KLHDC2: variants seen among roughly 807,000 people sequenced by gnomAD.
The protein encoded by KLHDC2 is kelch domain-containing protein 2.
A neutral mutation model predicts 62.3 loss-of-function variants in KLHDC2; 38 were observed. The observed-to-expected ratio is 0.61, with a 90% CI of 0.47 to 0.80. KLHDC2 has a LOEUF of 0.80. KLHDC2 is among the 30% of genes least tolerant of loss of function. The probability of loss-of-function intolerance (pLI) is 0.00; values close to 1 mark genes in which losing one functional copy is unlikely to be tolerated. For missense variants in KLHDC2, 430 were observed against 495.3 expected (o/e 0.87, Z 1.25); for synonymous variants, 159 against 161.0 (o/e 0.99, Z 0.09).
chr14:49,785,258 A>G lies in KLHDC2; in HGVS notation c.*2305A>G. ...TGGTGGTGTAAGGGGCACATATTGG[A>G]ATGGCAAACAGTAGTACATCTTCAG... On this transcript the variant is annotated 3_prime_UTR_variant, in exon 13 of 13. Transcript: ENST00000298307. 1 of 1,614,032 alleles carries G rather than the reference A, an allele frequency of 6.2e-7. No homozygotes were observed. The highest frequency in any genetic ancestry group is 8.5e-7 in the Non-Finnish European group (1 of 1,179,928).
At position 49,784,821 on chromosome 14, in the gene KLHDC2, C is replaced by A; in HGVS notation, c.*1868C>A. 2 of 1,398,064 alleles carry A rather than the reference C, an allele frequency of 1.4e-6. No homozygotes were observed. Among genetic ancestry groups the A allele is most frequent in the Non-Finnish European group, 2.0e-6 (2 of 994,826 alleles). 86.6% of individuals were successfully genotyped at this position (1,398,064 alleles called of 1,614,324 possible). On this transcript the variant is annotated 3_prime_UTR_variant, in exon 13 of 13. Coordinates refer to ENST00000298307, the MANE Select transcript of KLHDC2 (RefSeq NM_014315.3). ...CAAACTTTTAGCTGAGATGGTTTTACTGCTTCTAATAAGACAGCATTTTCT... is the reference window on the plus strand; with the variant it reads ...CAAACTTTTAGCTGAGATGGTTTTAATGCTTCTAATAAGACAGCATTTTCT...
chr14:49,782,971 C>G lies in KLHDC2; in HGVS notation c.*18C>G. The G allele has an allele frequency of 6.2e-7, 1 of 1,607,194 alleles. No individual in the cohort carries two copies. Among genetic ancestry groups the G allele is most frequent in the Admixed American group, 1.7e-5 (1 of 58,798 alleles). On this transcript the variant is annotated 3_prime_UTR_variant, in exon 13 of 13. Coordinates refer to ENST00000298307, the MANE Select transcript of KLHDC2 (RefSeq NM_014315.3). ...GATCTTAAGGCTTCATAAATAATGC[C>G]TATGATCACCTTGCATGGACAGCAA...
chr14:49,782,178 T>C (rs1249056667), intron 10 of KLHDC2, 192 bp from the exon 11 acceptor site: 3 of 528,814 alleles, frequency 5.7e-6, no homozygotes, highest in African/African-American at 2.0e-5. Flanking sequence ...AGAGAGAAAA[T>C]AATATCCAGA....
chr14:49,774,579 A>G lies in KLHDC2; in HGVS notation c.252A>G (p.Glu84=), dbSNP rs548275723. Residue 84 remains glutamate (E), a synonymous_variant, in exon 3 of 13, where the codon GAA becomes GAG. Coordinates refer to ENST00000298307, the MANE Select transcript of KLHDC2 (RefSeq NM_014315.3). ...CCCTCAGGAAAAAAATCAACACTGA[A>G]GGTGATGTTCCTCCTTCTATGTCAG... ...ETGRWKKINT[E]GDVPPSMSGS... is the part of the protein sequence containing the mutation. 6.2e-7 allele frequency: 1 copy of G among 1,612,986 alleles called. No homozygotes were observed. Among genetic ancestry groups the G allele is most frequent in the Non-Finnish European group, 8.5e-7 (1 of 1,178,948 alleles).
intron 3 of KLHDC2, among the ~76,000 whole-genome samples, chr14:49,775,638 T>TC (rs1889756420): frequency 2.5e-5 from 1 of 39,402 alleles, no homozygotes; most frequent in Non-Finnish European, 5.6e-5. Flanking sequence ...TTTTTTTTTT[T>TC]CGGATGGGGA....
chr14:49,780,475 C>T (rs906368480), intron 9 of KLHDC2, 153 bp downstream of exon 9: 1 of 654,342 alleles, frequency 1.5e-6, no homozygotes, highest in African/African-American at 1.8e-5. Flanking sequence ...TGTAATTGTA[C>T]TATATGGCAT....
chr14:49,781,113 C>T (rs944698050), intron 10 of KLHDC2, among the ~76,000 whole-genome samples: 3 of 152,182 alleles, frequency 2.0e-5, no homozygotes, highest in African/African-American at 4.8e-5. Context: ...TGGCTCATGC[C>T]GGTAATCCCA....
rs1247617795 is a variant in KLHDC2 at position 49,778,726 on chromosome 14, CTTTT to C, written c.633+244_633+247del. Among the ~76,000 whole-genome samples the C allele has an allele frequency of 4.2e-5, 6 of 144,040 alleles. No homozygotes were observed. In the East Asian group the frequency reaches 1.0e-3, roughly 24 times the overall value. The allele number at this position is 144,040 out of a possible 152,430, so 94.5% of individuals were successfully genotyped here. A position where few individuals can be genotyped will look rare whatever the true frequency, so the allele number is the denominator to read the frequency against. On this transcript the variant is annotated intron_variant, in intron 6 of 12. Transcript: ENST00000298307. ...GCATCTATTACCTAATAATCTAATACTTTTTTTTTTTTTTTGAGACAGAGTCTCG... is the reference window on the plus strand; with the variant it reads ...GCATCTATTACCTAATAATCTAATACTTTTTTTTTTTGAGACAGAGTCTCG...
intron 10 of KLHDC2, 185 bp from the exon 11 acceptor site, chr14:49,782,185 C>T (rs1180815757): frequency 5.8e-6 from 3 of 519,470 alleles, no homozygotes; most frequent in South Asian, 6.2e-5. Flanking sequence ...AAATAATATC[C>T]AGATAAAATA....
chr14:49,774,991 C>A, intron 3 of KLHDC2: 23 of 270,306 alleles, frequency 8.5e-5, no homozygotes, highest in Non-Finnish European at 1.1e-4. Context: ...AAATTGCAGA[C>A]AAAATGAAGA....
At chr14:49,780,455 G>C (rs1210717335) in intron 9 of KLHDC2, 133 bp downstream of exon 9, 8 of 686,554 alleles carry the variant, frequency 1.2e-5, no homozygotes, top group Non-Finnish European at 2.0e-5. Flanking sequence ...TTTTGATCCT[G>C]TAACATAGCT....
At chr14:49,770,098 A>T (rs11844183) in intron 1 of KLHDC2, among the ~76,000 whole-genome samples, 3,326 of 152,238 alleles carry the variant, frequency 0.022, 141 homozygotes, top group African/African-American at 0.076. Context: ...AAATGACAGC[A>T]TGAGAGAATA....
At chr14:49,779,073 C>T (rs188186946) in intron 6 of KLHDC2, among the ~76,000 whole-genome samples, 3 of 152,236 alleles carry the variant, frequency 2.0e-5, no homozygotes, top group Admixed American at 1.3e-4. Flanking sequence ...GGAATATTTG[C>T]ATTATATACT....
chr14:49,776,072 C>T (rs1029656963), intron 3 of KLHDC2, among the ~76,000 whole-genome samples: 10 of 152,146 alleles, frequency 6.6e-5, no homozygotes, highest in Non-Finnish European at 1.3e-4. Flanking sequence ...CTCCAAGCTG[C>T]CCCTTCCTCC....
intron 12 of KLHDC2, 84 bp from the exon 13 acceptor site, chr14:49,782,746 G>C: frequency 6.7e-7 from 1 of 1,485,060 alleles, no homozygotes; most frequent in South Asian, 1.3e-5. Context: ...GAAAGAAAGA[G>C]GGATGTTTTA....
chr14:49,779,175 G>A (rs1000063197), intron 6 of KLHDC2, among the ~76,000 whole-genome samples: 1 of 152,046 alleles, frequency 6.6e-6, no homozygotes, highest in Middle Eastern at 3.2e-3. Flanking sequence ...TTCAGATTTG[G>A]AGCATCTCAT....
At chr14:49,779,090 T>A (rs1309846580) in intron 6 of KLHDC2, among the ~76,000 whole-genome samples, 3 of 152,126 alleles carry the variant, frequency 2.0e-5, no homozygotes, top group Non-Finnish European at 4.4e-5. Context: ...TACTTAACAG[T>A]CAACTATCTC....
In KLHDC2 at chr14:49,784,515, G is replaced by A. The variant is rs1053628112; in HGVS notation, c.*1562G>A. 2 of 673,640 alleles carry A rather than the reference G, an allele frequency of 3.0e-6. No individual in the cohort carries two copies. Among genetic ancestry groups the A allele is most frequent in the Non-Finnish European group, 5.1e-6 (2 of 393,026 alleles). The allele number at this position is 673,640 out of a possible 1,614,324, so 41.7% of individuals were successfully genotyped here. ...GAAGTAAGTCCTTTTGGTGAATATA[G>A]CAAGGCAATGTTTAGTTCATTTTTA... On this transcript the variant is annotated 3_prime_UTR_variant, in exon 13 of 13. Coordinates refer to ENST00000298307, the MANE Select transcript of KLHDC2 (RefSeq NM_014315.3).
chr14:49,784,849 TA>T lies in KLHDC2; in HGVS notation c.*1900del. The T allele has an allele frequency of 6.9e-7, 1 of 1,449,736 alleles. No individual in the cohort carries two copies. Among genetic ancestry groups the T allele is most frequent in the Non-Finnish European group, 9.6e-7 (1 of 1,041,716 alleles). 89.8% of individuals were successfully genotyped at this position (1,449,736 alleles called of 1,614,324 possible). ...CTTCTAATAAGACAGCATTTTCTAC[TA>T]AAATAACAAAAAACTGCTAACATTT... On this transcript the variant is annotated 3_prime_UTR_variant, in exon 13 of 13. Transcript: ENST00000298307.
Sources: allele counts gnomAD v4.1 joint callset (sites outside exome capture counted in the v4.1 genomes callset), GRCh38; gene constraint gnomAD v4.1.1; transcripts MANE v1.5; gene names NCBI Gene and HGNC (gene_info 2026-07-23, HGNC 2026-07-21).